Variants in GRAMD2B observed in about 807,000 individuals in gnomAD.
The protein encoded by GRAMD2B is GRAM domain-containing protein 2B.
In GRAMD2B, 41 loss-of-function variants were observed where a neutral mutation model predicts 59.2. That is an observed-to-expected ratio of 0.69 (90% CI 0.54 to 0.90). The LOEUF (loss-of-function observed/expected upper bound fraction) is 0.90, where lower values mean the gene tolerates loss of function less well. GRAMD2B is among the 40% of genes least tolerant of loss of function. The pLI is 0.00. For missense variants in GRAMD2B, 424 were observed against 500.5 expected (o/e 0.85, Z 1.46); for synonymous variants, 161 against 182.7 (o/e 0.88, Z 0.96).
chr5:126,401,370 G>A (rs1376921728), intron 1 of GRAMD2B, among the ~76,000 whole-genome samples: 1 of 151,966 alleles, frequency 6.6e-6, no homozygotes, highest in African/African-American at 2.4e-5. Context: ...TTGTCTATCT[G>A]TGCTGTTTTA....
chr5:126,484,609 C>G, intron 10 of GRAMD2B, 85 bp downstream of exon 10: 1 of 1,352,358 alleles, frequency 7.4e-7, no homozygotes, highest in Non-Finnish European at 1.0e-6. Context: ...TAGACAGCAT[C>G]TTGCTCTATC....
chr5:126,381,753 G>A (rs1298578433), intron 1 of GRAMD2B, among the ~76,000 whole-genome samples: 1 of 151,864 alleles, frequency 6.6e-6, no homozygotes, highest in Non-Finnish European at 1.5e-5. Flanking sequence ...TGAATACCTT[G>A]GGGTTTTTTT....
Position 126,472,263 on chromosome 5 carries a change from A to G in GRAMD2B, c.341A>G (p.Lys114Arg). Reference protein sequence around the residue: ...SQYKANMHFHKLFLSVPTEEP... With the variant: ...SQYKANMHFHRLFLSVPTEEP... ...TACAAGGCCAATATGCACTTTCACAAGTTGTTTCTTAGTGTCCCAACGGAG... is the reference window on the plus strand; with the variant it reads ...TACAAGGCCAATATGCACTTTCACAGGTTGTTTCTTAGTGTCCCAACGGAG... The change falls in exon 4 of 14, where the codon AAG becomes AGG. Residue 114 changes from lysine (K) to arginine (R), a missense_variant. Lys to Arg is a conservative substitution (Grantham distance 26). Transcript: ENST00000285689. 6.2e-7 allele frequency: 1 copy of G among 1,614,024 alleles called. No individual in the cohort carries two copies. The highest frequency in any genetic ancestry group is 8.5e-7 in the Non-Finnish European group (1 of 1,179,880).
chr5:126,437,792 G>A (rs149315054), intron 1 of GRAMD2B, among the ~76,000 whole-genome samples: 69 of 152,300 alleles, frequency 4.5e-4, no homozygotes, highest in African/African-American at 1.7e-3. Context: ...CTTGGCATTT[G>A]GAAATAGAGA....
chr5:126,410,291 T>C (rs1758668745), intron 1 of GRAMD2B, among the ~76,000 whole-genome samples: 2 of 151,874 alleles, frequency 1.3e-5, no homozygotes, highest in South Asian at 4.2e-4. Flanking sequence ...GTATGGCCAT[T>C]TTCACGATAT....
At chr5:126,391,073 C>T (rs1293056840) in intron 1 of GRAMD2B, among the ~76,000 whole-genome samples, 1 of 151,910 alleles carries the variant, frequency 6.6e-6, no homozygotes, top group Non-Finnish European at 1.5e-5. Context: ...AAATCTGGTA[C>T]AGGAGTTAGA....
chr5:126,393,866 A>T (rs1422780119), intron 1 of GRAMD2B, among the ~76,000 whole-genome samples: 2 of 152,210 alleles, frequency 1.3e-5, no homozygotes, highest in Non-Finnish European at 2.9e-5. Context: ...CACACAGACC[A>T]GGCCTTCCAT....
At chr5:126,381,821 T>G (rs6894007) in intron 1 of GRAMD2B, among the ~76,000 whole-genome samples, 11 of 152,204 alleles carry the variant, frequency 7.2e-5, no homozygotes, top group Non-Finnish European at 1.5e-4. Flanking sequence ...AGGTTCTATT[T>G]TGGCATATTT....
intron 8 of GRAMD2B, among the ~76,000 whole-genome samples, chr5:126,481,149 T>C (rs1011841642): frequency 7.0e-6 from 1 of 143,088 alleles, no homozygotes; most frequent in African/African-American, 2.6e-5. Context: ...CTTCAGAGAC[T>C]TCACAACTTA....
intron 1 of GRAMD2B, chr5:126,433,913 T>C (rs1222057211): frequency 6.6e-6 from 1 of 152,260 alleles, no homozygotes; most frequent in Non-Finnish European, 1.5e-5. Context: ...AGTGTTACTT[T>C]CAAAGCCTGG....
chr5:126,408,682 T>C (rs1758475493), intron 1 of GRAMD2B, among the ~76,000 whole-genome samples: 1 of 97,408 alleles, frequency 1.0e-5, no homozygotes, highest in Non-Finnish European at 2.2e-5. Context: ...AGCTTCTGCC[T>C]GAGACTCTTT....
In GRAMD2B at chr5:126,493,747, G is replaced by A. The variant is rs1335382313; in HGVS notation, c.*791G>A. On this transcript the variant is annotated 3_prime_UTR_variant, in exon 14 of 14. Transcript: ENST00000285689. ...AAGGTGTAATAGTGATTTAATACAG[G>A]ATGAAAAACACTGAATTTTTAAGAC... The A allele has an allele frequency of 6.6e-6, 1 of 152,488 alleles. No homozygotes were observed. 9.4% of individuals were successfully genotyped at this position (152,488 alleles called of 1,614,324 possible). A position where few individuals can be genotyped will look rare whatever the true frequency, so the allele number is the denominator to read the frequency against.
intron 3 of GRAMD2B, among the ~76,000 whole-genome samples, chr5:126,471,476 C>A (rs1412504870): frequency 1.3e-5 from 2 of 152,134 alleles, no homozygotes; most frequent in Non-Finnish European, 2.9e-5. Context: ...GAAAACAGAT[C>A]CCTTGAGGAT....
At position 126,484,525 on chromosome 5, in the gene GRAMD2B, G is replaced by A; in HGVS notation, c.970+1G>A. On this transcript the variant is annotated splice_donor_variant, in intron 10 of 13. Transcript: ENST00000285689. LOFTEE classifies it high-confidence loss of function. ...AAAGCCAAGAGTCTCCCTGTACAGG[G>A]TAAGGAATGGATGTCTCAGGGGGGT... The A allele has an allele frequency of 6.2e-7, 1 of 1,611,540 alleles. No homozygotes were observed. Among genetic ancestry groups the A allele is most frequent in the Non-Finnish European group, 8.5e-7 (1 of 1,179,196 alleles).
intron 1 of GRAMD2B, among the ~76,000 whole-genome samples, chr5:126,408,813 A>G (rs1206964700): frequency 6.9e-5 from 10 of 144,450 alleles, no homozygotes; most frequent in Admixed American, 4.1e-4. Flanking sequence ...AGCATTAGGT[A>G]TATCTCCTAA....
chr5:126,377,924 G>T (rs1008479125), intron 1 of GRAMD2B, among the ~76,000 whole-genome samples: 1 of 152,046 alleles, frequency 6.6e-6, no homozygotes, highest in Non-Finnish European at 1.5e-5. Context: ...TATATAAAGT[G>T]GTAGATTCTA....
At chr5:126,386,147 G>C (rs1485721841) in intron 1 of GRAMD2B, among the ~76,000 whole-genome samples, 1 of 152,122 alleles carries the variant, frequency 6.6e-6, no homozygotes, top group Non-Finnish European at 1.5e-5. Flanking sequence ...TTTGGTTGAC[G>C]TAGATGCTGA....
chr5:126,419,919 G>A (rs1402051615), upstream of GRAMD2B, among the ~76,000 whole-genome samples: 1 of 151,932 alleles, frequency 6.6e-6, no homozygotes, highest in Non-Finnish European at 1.5e-5. Flanking sequence ...GCTGGGCGTG[G>A]TGGTGTGTGC....
rs963621496 is a variant in GRAMD2B at position 126,401,899 on chromosome 5, A to G, written c.125+30332A>G. 2.6e-5 allele frequency among the ~76,000 whole-genome samples: 4 copies of G among 152,188 alleles called. No individual in the cohort carries two copies. In the South Asian group the frequency reaches 8.3e-4, roughly 32 times the overall value. On this transcript the variant is annotated intron_variant, in intron 1 of 8. Coordinates refer to the GRAMD2B transcript ENST00000506445. ...GACTCAGACAATTAAATATTGAGGT[A>G]ACCCTGTCATCCCAGGTCATATACC...
Sources: gnomAD v4.1 joint callset for allele counts (sites outside exome capture counted in the v4.1 genomes callset) on GRCh38, gnomAD v4.1.1 for gene constraint, MANE v1.5 for transcripts, NCBI Gene and HGNC (gene_info 2026-07-23, HGNC 2026-07-21) for gene names.